Variants in DCUN1D5 observed in about 807,000 individuals in gnomAD.
DCUN1D5 encodes the protein DCN1-like protein 5.
Under a neutral mutation model 38.3 loss-of-function variants are expected in DCUN1D5, and 10 were observed. That is an observed-to-expected ratio of 0.26 (90% CI 0.16 to 0.44). DCUN1D5 has a LOEUF of 0.44. DCUN1D5 is among the 20% of genes least tolerant of loss of function. The probability of loss-of-function intolerance (pLI) is 1.00; values close to 1 mark genes in which losing one functional copy is unlikely to be tolerated. For missense variants in DCUN1D5, 148 were observed against 275.3 expected (o/e 0.54, Z 3.27); for synonymous variants, 93 against 90.9 (o/e 1.02, Z -0.13).
Position 103,091,634 on chromosome 11 carries a change from G to T in DCUN1D5, c.86+153C>A. ...AACACGAGGTCGGGTCGGGCGCGGA[G>T]ACTCGCGGTGTTCGGCACCTACAGC... On this transcript the variant is annotated intron_variant, in intron 1 of 7. Coordinates refer to ENST00000260247, the MANE Select transcript of DCUN1D5 (RefSeq NM_032299.4). The surrounding 1 kb of genome is among the most constrained non-coding windows in gnomAD (Gnocchi z 4.3). 7.1e-7 allele frequency: 1 copy of T among 1,417,848 alleles called. No individual in the cohort carries two copies. The highest frequency in any genetic ancestry group is 9.7e-7 in the Non-Finnish European group (1 of 1,032,676). 87.8% of individuals were successfully genotyped at this position (1,417,848 alleles called of 1,614,324 possible). A position where few individuals can be genotyped will look rare whatever the true frequency, so the allele number is the denominator to read the frequency against.
chr11:103,069,898 C>A (rs1862229154), intron 4 of DCUN1D5, among the ~76,000 whole-genome samples: 2 of 152,118 alleles, frequency 1.3e-5, no homozygotes, highest in Admixed American at 1.3e-4. Context: ...TCCAGAGTTT[C>A]ATAATATACT....
At chr11:103,076,772 G>A (rs777726254) in intron 4 of DCUN1D5, among the ~76,000 whole-genome samples, 10 of 152,286 alleles carry the variant, frequency 6.6e-5, no homozygotes, top group Non-Finnish European at 1.0e-4. Context: ...CACAGTCCTT[G>A]ATATGCTTCT....
In DCUN1D5 at chr11:103,091,976, G is replaced by T; in HGVS notation, c.-104C>A. On this transcript the variant is annotated 5_prime_UTR_variant, in exon 1 of 8. Transcript: ENST00000260247. This position sits in a 1 kb window ranked among gnomAD's most constrained non-coding sequence, Gnocchi z 4.3. ...ACCCAGTTCCCAGAGACAGCAGCAA[G>T]CGGAGGAGCAGAGTCGCCAGCCCGC... is the stretch of plus-strand genomic sequence containing the variant. The T allele has an allele frequency of 8.9e-7, 1 of 1,123,440 alleles. No individual in the cohort carries two copies. Among genetic ancestry groups the T allele is most frequent in the Non-Finnish European group, 1.2e-6 (1 of 804,426 alleles). 69.6% of individuals were successfully genotyped at this position (1,123,440 alleles called of 1,614,324 possible).
chr11:103,079,807 C>CT (rs1374752840), intron 4 of DCUN1D5: 1 of 151,848 alleles, frequency 6.6e-6, no homozygotes, highest in Non-Finnish European at 1.5e-5. Context: ...AAATTAACAC[C>CT]TTAGATTTGC....
In DCUN1D5 at chr11:103,054,118, G is replaced by GT. The variant is rs1861813980; in HGVS notation, c.*8240dup. ...TTCATGTCAAACTTCTCAAACTGAC[G>GT]TAAGCCAGATAGAGAGAACCTCCCA... On this transcript the variant is annotated 3_prime_UTR_variant, in exon 8 of 8. Coordinates refer to ENST00000260247, the MANE Select transcript of DCUN1D5 (RefSeq NM_032299.4). The GT allele has an allele frequency of 6.6e-6, 1 of 152,030 alleles. No individual in the cohort carries two copies. The highest frequency in any genetic ancestry group is 6.6e-5 in the Admixed American group (1 of 15,238). The allele number at this position is 152,030 out of a possible 1,614,324, so 9.4% of individuals were successfully genotyped here. A position where few individuals can be genotyped will look rare whatever the true frequency, so the allele number is the denominator to read the frequency against.
intron 2 of DCUN1D5, among the ~76,000 whole-genome samples, chr11:103,085,263 C>A (rs1364910078): frequency 6.6e-6 from 1 of 152,068 alleles, no homozygotes; most frequent in Non-Finnish European, 1.5e-5. Flanking sequence ...GATGGTGAAA[C>A]CCTGTCTCTA....
At position 103,092,046 on chromosome 11, in the gene DCUN1D5, C is replaced by T; in HGVS notation, c.-174G>A. 3 of 608,160 alleles carry T rather than the reference C, an allele frequency of 4.9e-6. No individual in the cohort carries two copies. The highest frequency in any genetic ancestry group is 2.8e-5 in the East Asian group (1 of 35,604). The allele number at this position is 608,160 out of a possible 1,614,324, so 37.7% of individuals were successfully genotyped here. ...GCCGCCGCCCGCTCCCAGGTATCCT[C>T]GTCGTCTTTCTCTGACCGGGACAGG... On this transcript the variant is annotated 5_prime_UTR_variant, in exon 1 of 8. Transcript: ENST00000260247.
chr11:103,072,877 T>A (rs1439968866), intron 4 of DCUN1D5, among the ~76,000 whole-genome samples: 1 of 152,120 alleles, frequency 6.6e-6, no homozygotes, highest in Non-Finnish European at 1.5e-5. Flanking sequence ...CTGCACGTTG[T>A]GCACATGTAC....
In DCUN1D5 at chr11:103,072,343, T is replaced by TCTAGATCTAGATCTAGATCTAGAA. The variant is rs1862295192; in HGVS notation, c.342-5800_342-5777dup. Among the ~76,000 whole-genome samples the TCTAGATCTAGATCTAGATCTAGAA allele has an allele frequency of 2.3e-4, 19 of 82,674 alleles. No homozygotes were observed. In the South Asian group the frequency reaches 6.4e-3, roughly 28 times the overall value. 54.2% of individuals were successfully genotyped at this position (82,674 alleles called of 152,430 possible). On this transcript the variant is annotated intron_variant, in intron 4 of 7. Coordinates refer to ENST00000260247, the MANE Select transcript of DCUN1D5 (RefSeq NM_032299.4). ...GATTCCTCAAGGATCTAGAACTAGA[T>TCTAGATCTAGATCTAGATCTAGAA]CTAGATCTAGATCTAGATCTAGAAC...
In DCUN1D5 at chr11:103,053,414, T is replaced by C. The variant is rs1187388594; in HGVS notation, c.*8945A>G. ...AATATGTCTATGTAGACAGAAGAAA[T>C]AAGACCTGGTGTTCGATATATCAGT... On this transcript the variant is annotated 3_prime_UTR_variant, in exon 8 of 8. Transcript: ENST00000260247. This position sits in a 1 kb window ranked among gnomAD's most constrained non-coding sequence, Gnocchi z 4.8. 6.6e-6 allele frequency: 1 copy of C among 152,092 alleles called. No homozygotes were observed. The highest frequency in any genetic ancestry group is 1.5e-5 in the Non-Finnish European group (1 of 67,966). The allele number at this position is 152,092 out of a possible 1,614,324, so 9.4% of individuals were successfully genotyped here. A position where few individuals can be genotyped will look rare whatever the true frequency, so the allele number is the denominator to read the frequency against.
chr11:103,089,858 A>G (rs1309442829), intron 1 of DCUN1D5, among the ~76,000 whole-genome samples: 1 of 152,166 alleles, frequency 6.6e-6, no homozygotes, highest in African/African-American at 2.4e-5. Flanking sequence ...AAAAAAAACA[A>G]CAAAAAAACA....
intron 4 of DCUN1D5, among the ~76,000 whole-genome samples, chr11:103,072,664 A>G (rs999820632): frequency 6.6e-6 from 1 of 151,496 alleles, no homozygotes; most frequent in Non-Finnish European, 1.5e-5. Context: ...CACAGGACAG[A>G]AAACCAAACA....
rs1862114349 is a variant in DCUN1D5, at chr11:103,065,556, T to A, written c.555+713A>T. 6.6e-6 allele frequency among the ~76,000 whole-genome samples: 1 copy of A among 151,958 alleles called. No individual in the cohort carries two copies. On this transcript the variant is annotated intron_variant, in intron 6 of 7. Transcript: ENST00000260247. This position sits in a 1 kb window ranked among gnomAD's most constrained non-coding sequence, Gnocchi z 4.6. ...GAAATTATTTCCAAAGGAAAAAGCATCTGTATTCAAGATATGGTGAGAACT... is the reference window on the plus strand; with the variant it reads ...GAAATTATTTCCAAAGGAAAAAGCAACTGTATTCAAGATATGGTGAGAACT...
Position 103,089,310 on chromosome 11 carries a change from C to G in DCUN1D5, c.95G>C (p.Arg32Thr). Residue 32 changes from arginine to threonine, a missense_variant, in exon 2 of 8, where the codon AGA becomes ACA. Physicochemically the swap from Arg to Thr is moderately conservative, Grantham distance 71. Coordinates refer to ENST00000260247, the MANE Select transcript of DCUN1D5 (RefSeq NM_032299.4). ...TATTAGTCTAGCAGGGGGTTGGGAT[C>G]TGCAATAGCTTAGAAAACACACAGA... ...LKKCKISSYC[R>T]SQPPARLISG... 6.2e-7 allele frequency: 1 copy of G among 1,604,156 alleles called. No homozygotes were observed. Among genetic ancestry groups the G allele is most frequent in the Non-Finnish European group, 8.5e-7 (1 of 1,173,418 alleles).
intron 4 of DCUN1D5, among the ~76,000 whole-genome samples, chr11:103,072,843 C>T (rs1362656590): frequency 6.6e-6 from 1 of 152,044 alleles, no homozygotes; most frequent in East Asian, 1.9e-4. Flanking sequence ...ACCAACATGG[C>T]ACATGTATAC....
rs1299885968 is a variant in DCUN1D5, at chr11:103,055,054, G to A, written c.*7305C>T. The A allele has an allele frequency of 6.6e-6, 1 of 152,056 alleles. No individual in the cohort carries two copies. The highest frequency in any genetic ancestry group is 1.9e-4 in the East Asian group (1 of 5,186). 9.4% of individuals were successfully genotyped at this position (152,056 alleles called of 1,614,324 possible). On this transcript the variant is annotated 3_prime_UTR_variant, in exon 8 of 8. Transcript: ENST00000260247. ...ATTCATAATAAGATACCTTGGGGAT[G>A]GGACCCAAGTCTAAACATGAAATTC...
chr11:103,084,994 TA>T (rs1862664722), intron 2 of DCUN1D5, among the ~76,000 whole-genome samples: 1 of 151,540 alleles, frequency 6.6e-6, no homozygotes, highest in African/African-American at 2.4e-5. Context: ...CAAAAAAAAA[TA>T]AAAAATAAAA....
rs1025558747 is a variant in DCUN1D5 at position 103,092,092 on chromosome 11, C to A, written c.-220G>T. On this transcript the variant is annotated 5_prime_UTR_variant, in exon 1 of 8. Coordinates refer to ENST00000260247, the MANE Select transcript of DCUN1D5 (RefSeq NM_032299.4). The stretch of plus-strand genomic sequence containing the variant: ...ACAGGGCTGGCTCCTCGCCGGTGGA[C>A]ACTGCGGTTCGTTCTCACCGGGAGG... The A allele has an allele frequency of 1.3e-5, 7 of 535,096 alleles. No homozygotes were observed. In the African/African-American group the frequency reaches 1.4e-4, roughly 10 times the overall value. The allele number at this position is 535,096 out of a possible 1,614,324, so 33.1% of individuals were successfully genotyped here. A position where few individuals can be genotyped will look rare whatever the true frequency, so the allele number is the denominator to read the frequency against.
Position 103,086,561 on chromosome 11 carries a change from C to T in DCUN1D5, c.178+2666G>A, listed in dbSNP as rs1311032572. Among the ~76,000 whole-genome samples the T allele has an allele frequency of 6.6e-6, 1 of 152,122 alleles. No homozygotes were observed. Among genetic ancestry groups the T allele is most frequent in the African/African-American group, 2.4e-5 (1 of 41,418 alleles). On this transcript the variant is annotated intron_variant, in intron 2 of 7. Transcript: ENST00000260247. The surrounding 1 kb of genome is among the most constrained non-coding windows in gnomAD (Gnocchi z 4.1). ...ATCTAACCCTTCTTTCTTCTCTATTCCTGAACCTCACCATATTTATTATCC... is the reference window on the plus strand; with the variant it reads ...ATCTAACCCTTCTTTCTTCTCTATTTCTGAACCTCACCATATTTATTATCC...
Sources: gnomAD v4.1 joint callset for allele counts (sites outside exome capture counted in the v4.1 genomes callset) on GRCh38, gnomAD v4.1.1 for gene constraint, Gnocchi (gnomAD v3.1) non-coding constraint, MANE v1.5 for transcripts, NCBI Gene and HGNC (gene_info 2026-07-23, HGNC 2026-07-21) for gene names.